The following MEIS2 variants were observed in gnomAD, a reference collection of about 807,000 sequenced individuals.
MEIS2 encodes the protein Meis homeobox 2.
A neutral mutation model predicts 58.6 loss-of-function variants in MEIS2; 9 were observed. That is an observed-to-expected ratio of 0.15 (90% confidence interval 0.09 to 0.27). MEIS2 has a LOEUF of 0.27. Ranked by LOEUF, MEIS2 falls within the 10% of genes least tolerant of loss-of-function variation. The pLI, the probability that MEIS2 is intolerant of heterozygous loss-of-function variation, is 1.00. For synonymous variants in MEIS2, 221 were observed against 228.4 expected (o/e 0.97, Z 0.29); for missense variants, 427 against 635.0 (o/e 0.67, Z 3.52).
At chr15:36,911,581 G>A (rs2057025333) in intron 9 of MEIS2, among the ~76,000 whole-genome samples, 1 of 152,172 alleles carries the variant, frequency 6.6e-6, no homozygotes, top group Non-Finnish European at 1.5e-5. Flanking sequence ...CTACTTTCTT[G>A]TTTACAGAGC....
At chr15:37,051,205 T>C (rs2062905290) in intron 7 of MEIS2, among the ~76,000 whole-genome samples, 1 of 152,210 alleles carries the variant, frequency 6.6e-6, no homozygotes, top group South Asian at 2.1e-4. Flanking sequence ...TAAATGTTAG[T>C]TATTTCTTTT....
intron 8 of MEIS2, among the ~76,000 whole-genome samples, chr15:36,985,894 C>T (rs2060077998): frequency 6.6e-6 from 1 of 152,142 alleles, no homozygotes; most frequent in Non-Finnish European, 1.5e-5. Context: ...TACCTCTCAC[C>T]ATACTAATTC....
chr15:36,951,769 G>A (rs557364602), intron 8 of MEIS2, among the ~76,000 whole-genome samples: 3 of 152,134 alleles, frequency 2.0e-5, no homozygotes, highest in South Asian at 4.1e-4. Flanking sequence ...CTGATTGCGA[G>A]GTGTTGACAC....
At chr15:36,937,735 C>T (rs2058227630) in intron 9 of MEIS2, among the ~76,000 whole-genome samples, 1 of 152,016 alleles carries the variant, frequency 6.6e-6, no homozygotes, top group Non-Finnish European at 1.5e-5. Context: ...TTGCTGTGGA[C>T]CTGTTAGGGA....
At position 37,086,373 on chromosome 15, in the gene MEIS2, G is replaced by A. The variant is rs76619791; in HGVS notation, c.640-2488C>T. Among the ~76,000 whole-genome samples the A allele has an allele frequency of 3.3e-3, 507 of 152,276 alleles. 4 individuals are homozygous for A. The highest frequency in any genetic ancestry group is 3.7e-3 in the Non-Finnish European group (253 of 68,024). On this transcript the variant is annotated intron_variant, in intron 6 of 11. Coordinates refer to ENST00000561208, the MANE Select transcript of MEIS2 (RefSeq NM_170675.5). The stretch of plus-strand genomic sequence containing the variant: ...TGAGTTTTCAAGTTAGGCCTCATTC[G>A]TTTATAATTCAGTGTATTTCTTTCA...
intron 6 of MEIS2, among the ~76,000 whole-genome samples, chr15:37,092,699 T>TC: frequency 4.1e-5 from 1 of 24,532 alleles, no homozygotes; most frequent in African/African-American, 1.6e-4. Flanking sequence ...ACATATGCTT[T>TC]TTTTTTTTTT....
At chr15:36,902,090 T>C (rs758985980) in intron 9 of MEIS2, among the ~76,000 whole-genome samples, 7 of 152,206 alleles carry the variant, frequency 4.6e-5, no homozygotes, top group Non-Finnish European at 1.0e-4. Flanking sequence ...CTGGGTGGTT[T>C]TGAGGATTGA....
intron 8 of MEIS2, among the ~76,000 whole-genome samples, chr15:37,012,115 C>T (rs2061181703): frequency 6.6e-6 from 1 of 152,202 alleles, no homozygotes; most frequent in Non-Finnish European, 1.5e-5. Flanking sequence ...ACACAATTAA[C>T]TTTCCTTCAT....
At chr15:37,059,684 C>G (rs903437582) in intron 7 of MEIS2, among the ~76,000 whole-genome samples, 2 of 151,618 alleles carry the variant, frequency 1.3e-5, no homozygotes, top group Non-Finnish European at 1.5e-5. Context: ...TGCTTGTGAT[C>G]CCAGCACTTC....
intron 8 of MEIS2, among the ~76,000 whole-genome samples, chr15:37,001,706 G>A (rs1240162816): frequency 6.6e-6 from 1 of 151,980 alleles, no homozygotes. Context: ...TCAAGATTTG[G>A]GAAATATGGG....
chr15:36,951,067 A>G (rs755442050), intron 8 of MEIS2, among the ~76,000 whole-genome samples: 4 of 152,180 alleles, frequency 2.6e-5, no homozygotes, highest in Non-Finnish European at 4.4e-5. Context: ...GCAATACTTC[A>G]TATAGAAATT....
chr15:36,995,989 ATATATATATATATG>A lies in MEIS2; in HGVS notation c.900+40811_900+40824del, dbSNP rs1219015861. Among the ~76,000 whole-genome samples, 14 of 50,924 alleles carry A rather than the reference ATATATATATATATG, an allele frequency of 2.7e-4. No homozygotes were observed. The South Asian group carries it at 3.3e-3, about 12-fold the overall frequency. 33.4% of individuals were successfully genotyped at this position (50,924 alleles called of 152,430 possible). A position where few individuals can be genotyped will look rare whatever the true frequency, so the allele number is the denominator to read the frequency against. ...TATATATATATATATATATATATATATATATATATATATGTATATATATATACATATGTGTATAT... is the reference window on the plus strand; with the variant it reads ...TATATATATATATATATATATATATATATATATATATACATATGTGTATAT... On this transcript the variant is annotated intron_variant, in intron 8 of 11. Transcript: ENST00000561208.
chr15:37,045,784 A>G (rs2062640774), intron 7 of MEIS2, among the ~76,000 whole-genome samples: 1 of 152,196 alleles, frequency 6.6e-6, no homozygotes. Context: ...ATGGCCCGCT[A>G]GCATGGAGGG....
intron 8 of MEIS2, among the ~76,000 whole-genome samples, chr15:36,987,414 A>T (rs1244768720): frequency 7.6e-6 from 1 of 130,972 alleles, no homozygotes; most frequent in Non-Finnish European, 1.7e-5. Context: ...TCTCAAAAAA[A>T]AAAAAAAAAA....
At chr15:36,993,971 G>A (rs569958875) in intron 8 of MEIS2, among the ~76,000 whole-genome samples, 1 of 152,162 alleles carries the variant, frequency 6.6e-6, no homozygotes, top group South Asian at 2.1e-4. Context: ...AAGTTGAGAT[G>A]ATTTTCAGGG....
At chr15:37,040,132 ATG>A (rs1422875657) in intron 7 of MEIS2, among the ~76,000 whole-genome samples, 1 of 151,926 alleles carries the variant, frequency 6.6e-6, no homozygotes, top group African/African-American at 2.4e-5. Context: ...TCCTTGGCAC[ATG>A]TGCCAAATGA....
At chr15:36,946,983 G>A (rs561893156) in intron 9 of MEIS2, among the ~76,000 whole-genome samples, 4 of 152,028 alleles carry the variant, frequency 2.6e-5, no homozygotes, top group Admixed American at 2.6e-4. Flanking sequence ...TATTTGGTTC[G>A]TTGCTATTCC....
At chr15:36,992,359 T>A (rs1016283518) in intron 8 of MEIS2, among the ~76,000 whole-genome samples, 3 of 152,148 alleles carry the variant, frequency 2.0e-5, no homozygotes, top group Non-Finnish European at 4.4e-5. Context: ...GTGACAAGTG[T>A]TACAAATTCA....
At chr15:36,929,504 G>T (rs1487094109) in intron 9 of MEIS2, among the ~76,000 whole-genome samples, 1 of 152,108 alleles carries the variant, frequency 6.6e-6, no homozygotes, top group Non-Finnish European at 1.5e-5. Flanking sequence ...GGGCATGTTT[G>T]GGCCTCTGCA....
Sources: gnomAD v4.1 joint callset for allele counts (sites outside exome capture counted in the v4.1 genomes callset) on GRCh38, gnomAD v4.1.1 for gene constraint, MANE v1.5 for transcripts, NCBI Gene and HGNC (gene_info 2026-07-23, HGNC 2026-07-21) for gene names.